DAPK2: variants seen among roughly 807,000 people sequenced by gnomAD.
The protein encoded by DAPK2 is death-associated protein kinase 2.
DAPK2 carries 35 observed loss-of-function variants against 44.1 expected under a neutral mutation model. That is an observed-to-expected ratio of 0.79 (90% confidence interval 0.61 to 1.05). DAPK2 has a LOEUF of 1.05. Among genes scored for constraint, DAPK2 ranks in the 50% least tolerant of loss-of-function variants. The pLI is 0.00. For synonymous variants in DAPK2, 174 were observed against 182.6 expected (o/e 0.95, Z 0.38); for missense variants, 453 against 483.2 (o/e 0.94, Z 0.59).
Position 63,926,260 on chromosome 15 carries a change from C to A in DAPK2, c.660-167G>T, listed in dbSNP as rs555365464. 138 of 619,540 alleles carry A rather than the reference C, an allele frequency of 2.2e-4. No homozygotes were observed. In the African/African-American group the frequency reaches 2.4e-3, roughly 11 times the overall value. The allele number at this position is 619,540 out of a possible 1,614,324, so 38.4% of individuals were successfully genotyped here. A position where few individuals can be genotyped will look rare whatever the true frequency, so the allele number is the denominator to read the frequency against. On this transcript the variant is annotated intron_variant, in intron 6 of 10. Coordinates refer to ENST00000261891, the Ensembl canonical transcript of DAPK2. ...AACCAGCAGCCTGTTCAGCTAAGTC[C>A]AATTCAATACATGTTCATGGAGCTC... is the stretch of plus-strand genomic sequence containing the variant.
At chr15:63,979,201 G>T (rs1295871087) in intron 2 of DAPK2, among the ~76,000 whole-genome samples, 1 of 152,226 alleles carries the variant, frequency 6.6e-6, no homozygotes. Context: ...TGTGACATGA[G>T]TTAAGCTGCT....
upstream of DAPK2, among the ~76,000 whole-genome samples, chr15:64,041,994 G>A (rs1341106113): frequency 6.6e-6 from 1 of 152,182 alleles, no homozygotes; most frequent in Non-Finnish European, 1.5e-5. Context: ...GAGCAAGCAT[G>A]AAATAGTGAA....
intron 1 of DAPK2, among the ~76,000 whole-genome samples, chr15:64,019,481 A>C (rs983486192): frequency 1.3e-5 from 2 of 152,354 alleles, no homozygotes; most frequent in East Asian, 3.9e-4. Flanking sequence ...CATGATTCTG[A>C]AAGTTCCTTC....
intron 3 of DAPK2, among the ~76,000 whole-genome samples, chr15:63,959,223 G>A (rs1484028972): frequency 1.3e-5 from 2 of 152,242 alleles, no homozygotes; most frequent in Non-Finnish European, 2.9e-5. Context: ...AGACTTTGCT[G>A]AAGTTGCTTA....
At chr15:63,929,889 A>G in intron 5 of DAPK2, 3 of 536,376 alleles carry the variant, frequency 5.6e-6, no homozygotes, top group South Asian at 4.8e-5. Context: ...AATGAGGATA[A>G]TGATAACTAC....
At chr15:64,036,669 A>G (rs1231814170) in intron 1 of DAPK2, among the ~76,000 whole-genome samples, 1 of 152,062 alleles carries the variant, frequency 6.6e-6, no homozygotes, top group African/African-American at 2.4e-5. Context: ...ACATGTAACA[A>G]ACTGTTGTTC....
intron 8 of DAPK2, chr15:63,922,706 G>T: frequency 6.7e-7 from 1 of 1,491,650 alleles, no homozygotes; most frequent in South Asian, 1.3e-5. Context: ...CAAACCTCTT[G>T]GGATGCATCA....
intron 4 of DAPK2, among the ~76,000 whole-genome samples, chr15:63,938,162 G>A (rs2077213798): frequency 6.6e-6 from 1 of 152,168 alleles, no homozygotes; most frequent in South Asian, 2.1e-4. Context: ...TAAGCTCTTT[G>A]AGGGCAGGGT....
chr15:63,989,651 T>A (rs1436183561), intron 1 of DAPK2, among the ~76,000 whole-genome samples: 1 of 152,142 alleles, frequency 6.6e-6, no homozygotes, highest in Non-Finnish European at 1.5e-5. Context: ...TTTGTTTGAT[T>A]TATTTATACA....
chr15:63,923,072 T>C lies in DAPK2; in HGVS notation c.858+1744A>G. The C allele has an allele frequency of 6.5e-7, 1 of 1,535,794 alleles. No individual in the cohort carries two copies. The highest frequency in any genetic ancestry group is 8.7e-7 in the Non-Finnish European group (1 of 1,146,706). The stretch of plus-strand genomic sequence containing the variant: ...CAGGTCATGCCGGGCGCTCTCATTC[T>C]CCTCTCGGTACCAAGCTTCCTTCTC... On this transcript the variant is annotated intron_variant, in intron 8 of 10. Coordinates refer to ENST00000261891, the Ensembl canonical transcript of DAPK2. The surrounding 1 kb of genome is among the most constrained non-coding windows in gnomAD (Gnocchi z 4.2).
At chr15:63,925,675 A>AGCGT (rs2079225134) in intron 7 of DAPK2, among the ~76,000 whole-genome samples, 3 of 129,986 alleles carry the variant, frequency 2.3e-5, no homozygotes, top group East Asian at 2.2e-4. Flanking sequence ...GCTGACTTGT[A>AGCGT]GCGCACACAC....
chr15:64,023,260 G>A (rs1191367950), intron 1 of DAPK2, among the ~76,000 whole-genome samples: 1 of 152,228 alleles, frequency 6.6e-6, no homozygotes, highest in Non-Finnish European at 1.5e-5. Context: ...CTTCTGGGAG[G>A]AAGCAGAACT....
In DAPK2 at chr15:63,912,112, C is replaced by T. The variant is rs772372955; in HGVS notation, c.944G>A (p.Trp315Ter). ...CCGCCCCAACCCTGGACACACCTTC[C>T]ACCGCCTGCGGACATACTGCTTCCT... Residue 315 changes from tryptophan (W) to a stop codon, truncating the protein, a stop_gained, in exon 9 of 11, where the codon TGG becomes TAG. Transcript: ENST00000261891. LOFTEE classifies it high-confidence loss of function. The surrounding 1 kb of genome is among the most constrained non-coding windows in gnomAD (Gnocchi z 4.4). 1 of 1,613,876 alleles carries T rather than the reference C, an allele frequency of 6.2e-7. No homozygotes were observed. Among genetic ancestry groups the T allele is most frequent in the Non-Finnish European group, 8.5e-7 (1 of 1,179,978 alleles).
At chr15:64,027,434 T>C (rs1055835578) in intron 1 of DAPK2, among the ~76,000 whole-genome samples, 1 of 149,936 alleles carries the variant, frequency 6.7e-6, no homozygotes, top group Non-Finnish European at 1.5e-5. Context: ...CCAGGTATGG[T>C]GGCACATAGT....
chr15:63,999,491 G>A (rs2079029981), intron 1 of DAPK2, among the ~76,000 whole-genome samples: 1 of 152,160 alleles, frequency 6.6e-6, no homozygotes, highest in African/African-American at 2.4e-5. Flanking sequence ...CACAGCCCAG[G>A]ACCTCAGGTC....
In DAPK2 at chr15:63,962,742, G is replaced by C. The variant is rs1164461682; in HGVS notation, c.453+8681C>G. Among the ~76,000 whole-genome samples the C allele has an allele frequency of 3.3e-5, 5 of 152,326 alleles. No individual in the cohort carries two copies. In the East Asian group the frequency reaches 9.6e-4, roughly 29 times the overall value. On this transcript the variant is annotated intron_variant, in intron 3 of 10. Transcript: ENST00000261891. ...GTTTCAGAGGGGCACCTGGCTGTAT[G>C]AGGTGTCAGTCAGCCCCTATTGGGA...
At chr15:64,027,832 T>G (rs1404345797) in intron 1 of DAPK2, among the ~76,000 whole-genome samples, 1 of 152,162 alleles carries the variant, frequency 6.6e-6, no homozygotes, top group Non-Finnish European at 1.5e-5. Context: ...TTTAAACCAT[T>G]AAGCAAATCA....
At chr15:63,962,629 T>C (rs1244657009) in intron 3 of DAPK2, among the ~76,000 whole-genome samples, 2 of 152,200 alleles carry the variant, frequency 1.3e-5, no homozygotes, top group African/African-American at 4.8e-5. Flanking sequence ...CAGACCCTGT[T>C]TTACTGGGTA....
At chr15:63,938,959 C>A (rs913846745) in intron 4 of DAPK2, among the ~76,000 whole-genome samples, 1 of 152,184 alleles carries the variant, frequency 6.6e-6, no homozygotes, top group Admixed American at 6.5e-5. Flanking sequence ...GTGGGGCCAG[C>A]GCTACAAGGG....
Sources: gnomAD v4.1 joint callset for allele counts (sites outside exome capture counted in the v4.1 genomes callset) on GRCh38, gnomAD v4.1.1 for gene constraint, Gnocchi (gnomAD v3.1) non-coding constraint, MANE v1.5 for transcripts, NCBI Gene and HGNC (gene_info 2026-07-23, HGNC 2026-07-21) for gene names.